Variants in ANKRD11 observed in about 807,000 individuals in gnomAD.
The protein encoded by ANKRD11 is ankyrin repeat domain 11, also known as ankyrin repeat domain-containing protein 11.
In ANKRD11, 17 loss-of-function variants were observed where a neutral mutation model predicts 195.7. That is an observed-to-expected ratio of 0.09 (90% CI 0.06 to 0.13). ANKRD11 has a LOEUF of 0.13. Among genes scored for constraint, ANKRD11 ranks in the 10% least tolerant of loss-of-function variants. The pLI is 1.00. For synonymous variants in ANKRD11, 1,953 were observed against 1,528.1 expected (o/e 1.28, Z -6.49); for missense variants, 3,735 against 3,566.1 (o/e 1.05, Z -1.21).
chr16:89,284,458 T>G lies in ANKRD11; in HGVS notation c.2084A>C (p.Lys695Thr). Residue 695 changes from lysine (K) to threonine (T), a missense_variant, in exon 9 of 13, where the codon AAA (lysine) becomes ACA (threonine). By Grantham distance (78) the Lys-to-Thr change is moderately conservative. Transcript: ENST00000301030. ...CATTTTGCTAAGTTTCTCTTCTTTT[T>G]TAAAGTGGTCGCGATCGTGCTTTAA... ...KVLKHDRDHF[K>T]KEEKLSKMKL... 6.2e-7 allele frequency: 1 copy of G among 1,614,082 alleles called. No individual in the cohort carries two copies. Among genetic ancestry groups the G allele is most frequent in the Non-Finnish European group, 8.5e-7 (1 of 1,180,018 alleles).
chr16:89,306,920 C>T (rs1438697880), intron 3 of ANKRD11, among the ~76,000 whole-genome samples: 3 of 152,232 alleles, frequency 2.0e-5, no homozygotes, highest in Non-Finnish European at 4.4e-5. Flanking sequence ...CAGACACGTG[C>T]GCTACCTCCC....
intron 1 of ANKRD11, among the ~76,000 whole-genome samples, chr16:89,456,667 A>G (rs922308474): frequency 6.6e-6 from 1 of 152,198 alleles, no homozygotes; most frequent in Non-Finnish European, 1.5e-5. Context: ...TCCAAGACAT[A>G]CAACATAGAT....
intron 1 of ANKRD11, among the ~76,000 whole-genome samples, chr16:89,466,924 T>C (rs2056905931): frequency 6.6e-6 from 1 of 152,210 alleles, no homozygotes; most frequent in Admixed American, 6.5e-5. Flanking sequence ...CCTAGCCCTC[T>C]AATAATCATC....
At chr16:89,418,809 G>C (rs1039773764) in intron 1 of ANKRD11, among the ~76,000 whole-genome samples, 3 of 149,500 alleles carry the variant, frequency 2.0e-5, no homozygotes, top group African/African-American at 7.4e-5. Context: ...TTGTCCCCCA[G>C]GCTGGAGTGC....
chr16:89,467,310 C>A (rs1358325202), intron 1 of ANKRD11, among the ~76,000 whole-genome samples: 1 of 151,806 alleles, frequency 6.6e-6, no homozygotes, highest in Non-Finnish European at 1.5e-5. Flanking sequence ...GGTATGGTGG[C>A]ACGCACCTGT....
intron 9 of ANKRD11, among the ~76,000 whole-genome samples, chr16:89,276,675 C>A (rs972805975): frequency 6.6e-6 from 1 of 152,210 alleles, no homozygotes. Flanking sequence ...GCTCCTAAGG[C>A]ACATTCAGGG....
chr16:89,388,025 AAAG>A (rs1004112453), intron 2 of ANKRD11, among the ~76,000 whole-genome samples: 5 of 152,010 alleles, frequency 3.3e-5, no homozygotes, highest in South Asian at 2.1e-4. Context: ...AAAAAAAAAA[AAAG>A]GACTGTGCTC....
intron 2 of ANKRD11, among the ~76,000 whole-genome samples, chr16:89,337,544 C>T (rs961549131): frequency 7.0e-6 from 1 of 141,936 alleles, no homozygotes; most frequent in African/African-American, 2.6e-5. Context: ...TCACGCCATT[C>T]TCCTGCCTCA....
chr16:89,467,884 T>C (rs1447067360), intron 1 of ANKRD11, among the ~76,000 whole-genome samples: 1 of 151,932 alleles, frequency 6.6e-6, no homozygotes, highest in East Asian at 1.9e-4. Context: ...CACTGCAACC[T>C]CTGCCTCCCG....
At chr16:89,463,275 G>A (rs893633270) in intron 1 of ANKRD11, among the ~76,000 whole-genome samples, 4 of 152,354 alleles carry the variant, frequency 2.6e-5, no homozygotes, top group East Asian at 1.9e-4. Context: ...GATGGTTGCC[G>A]TGTCTGTGTA....
intron 1 of ANKRD11, among the ~76,000 whole-genome samples, chr16:89,480,923 C>A (rs892079983): frequency 2.6e-5 from 4 of 152,148 alleles, no homozygotes; most frequent in Non-Finnish European, 4.4e-5. Context: ...ACTTCTCCCT[C>A]CAGAATGTGG....
chr16:89,421,952 A>C (rs967881406), intron 1 of ANKRD11, among the ~76,000 whole-genome samples: 2 of 152,162 alleles, frequency 1.3e-5, no homozygotes, highest in Non-Finnish European at 2.9e-5. Context: ...CCCAGGTGCT[A>C]AGGAGTCGGC....
chr16:89,458,525 C>T (rs184329153), intron 1 of ANKRD11, among the ~76,000 whole-genome samples: 121 of 152,260 alleles, frequency 7.9e-4, no homozygotes, highest in Non-Finnish European at 1.5e-4. Flanking sequence ...TGCCCGGCCA[C>T]GTAATTTCAT....
intron 1 of ANKRD11, among the ~76,000 whole-genome samples, chr16:89,481,523 C>T (rs1398349637): frequency 2.0e-5 from 3 of 152,220 alleles, no homozygotes; most frequent in Admixed American, 6.5e-5. Flanking sequence ...CGCCACTGCA[C>T]TCCACCCTGA....
At chr16:89,469,857 C>G (rs1051787661) in intron 1 of ANKRD11, among the ~76,000 whole-genome samples, 10 of 151,206 alleles carry the variant, frequency 6.6e-5, no homozygotes, top group African/African-American at 2.4e-4. Flanking sequence ...AAGATCGCGC[C>G]CGGAGACAGA....
At chr16:89,288,423 CCT>C (rs2034801425) in intron 7 of ANKRD11, 103 bp downstream of exon 7, 13 of 1,564,242 alleles carry the variant, frequency 8.3e-6, no homozygotes, top group Admixed American at 1.8e-5. Context: ...AACTCGCTTT[CCT>C]GTGCCCCACA....
chr16:89,442,211 T>G lies in ANKRD11; in HGVS notation c.-144-23843A>C, dbSNP rs1374419912. Among the ~76,000 whole-genome samples the G allele has an allele frequency of 2.6e-5, 4 of 152,246 alleles. No individual in the cohort carries two copies. In the East Asian group the frequency reaches 5.8e-4, roughly 22 times the overall value. ...ACCCCAGCTGACAACGCACGCCCAC[T>G]GGTGCCAGTGCTTTGGAGAACATGC... On this transcript the variant is annotated intron_variant, in intron 1 of 12. Coordinates refer to ENST00000301030, the MANE Select transcript of ANKRD11 (RefSeq NM_013275.6).
intron 2 of ANKRD11, among the ~76,000 whole-genome samples, chr16:89,361,332 G>A (rs531784478): frequency 5.3e-5 from 8 of 152,178 alleles, no homozygotes; most frequent in Non-Finnish European, 1.0e-4. Flanking sequence ...CGCCGGGGGC[G>A]GGGGGTGCTG....
rs775090763 is a variant in ANKRD11, at chr16:89,280,799, C to T, written c.5743G>A (p.Glu1915Lys). Residue 1915 changes from glutamate (E) to lysine (K), a missense_variant, in exon 9 of 13, where the codon GAG becomes AAG. Glu to Lys is a moderately conservative substitution (Grantham distance 56). Coordinates refer to ENST00000301030, the MANE Select transcript of ANKRD11 (RefSeq NM_013275.6). ...GALPPDLDTSEDQQATAAIIP... is the reference protein window; with the variant it reads ...GALPPDLDTSKDQQATAAIIP... ...ATGGCGGCCGTCGCCTGCTGGTCCT[C>T]GGAGGTGTCCAGGTCCGGGGGAAGG... The T allele has an allele frequency of 1.9e-6, 3 of 1,609,040 alleles. No individual in the cohort carries two copies. Among genetic ancestry groups the T allele is most frequent in the Admixed American group, 1.7e-5 (1 of 59,752 alleles).
Sources: gnomAD v4.1 joint callset for allele counts (sites outside exome capture counted in the v4.1 genomes callset) on GRCh38, gnomAD v4.1.1 for gene constraint, MANE v1.5 for transcripts, NCBI Gene and HGNC (gene_info 2026-07-23, HGNC 2026-07-21) for gene names.